The following ST6GALNAC3 variants were observed in gnomAD, a reference collection of about 807,000 sequenced individuals.
ST6GALNAC3 encodes the protein ST6 N-acetylgalactosaminide alpha-2,6-sialyltransferase 3.
In ST6GALNAC3, 25 loss-of-function variants were observed where a neutral mutation model predicts 32.7. The observed-to-expected ratio is 0.76, with a 90% confidence interval of 0.56 to 1.07. The LOEUF (loss-of-function observed/expected upper bound fraction) is 1.07, where lower values mean the gene tolerates loss of function less well. ST6GALNAC3 is among the 50% of genes least tolerant of loss of function. The pLI is 0.00. For missense variants in ST6GALNAC3, 355 were observed against 382.4 expected (o/e 0.93, Z 0.60); for synonymous variants, 129 against 133.1 (o/e 0.97, Z 0.21).
At chr1:76,095,366 A>C (rs1647112744) in intron 1 of ST6GALNAC3, among the ~76,000 whole-genome samples, 2 of 152,154 alleles carry the variant, frequency 1.3e-5, no homozygotes, top group Non-Finnish European at 2.9e-5. Flanking sequence ...GATATCATTT[A>C]TGGCAACTTT....
chr1:76,489,643 A>G lies in ST6GALNAC3; in HGVS notation c.623+77226A>G, dbSNP rs192549866. On this transcript the variant is annotated intron_variant, in intron 3 of 4. Coordinates refer to ENST00000328299, the MANE Select transcript of ST6GALNAC3 (RefSeq NM_152996.4). Reference sequence around the variant, plus strand: ...TAATCAAAACTCTGAACTTGAGTAAATATTAAGCCTTCTCCACTTCCAAAG... The same window carrying G: ...TAATCAAAACTCTGAACTTGAGTAAGTATTAAGCCTTCTCCACTTCCAAAG... 5.4e-3 allele frequency among the ~76,000 whole-genome samples: 823 copies of G among 152,296 alleles called. 11 individuals are homozygous for G. Among genetic ancestry groups the G allele is most frequent in the South Asian group, 8.7e-3 (42 of 4,822 alleles).
chr1:76,561,125 A>G (rs1273190279), intron 3 of ST6GALNAC3, among the ~76,000 whole-genome samples: 1 of 152,188 alleles, frequency 6.6e-6, no homozygotes, highest in Non-Finnish European at 1.5e-5. Context: ...CTGTTCTCTC[A>G]CTCATTTGTG....
chr1:76,287,197 T>C (rs1345068949), intron 1 of ST6GALNAC3, among the ~76,000 whole-genome samples: 1 of 152,216 alleles, frequency 6.6e-6, no homozygotes, highest in African/African-American at 2.4e-5. Context: ...TCCTTAGTCA[T>C]GAAAATCATT....
intron 1 of ST6GALNAC3, among the ~76,000 whole-genome samples, chr1:76,257,982 A>ACACTGGTAT (rs1658012690): frequency 6.6e-6 from 1 of 152,122 alleles, no homozygotes; most frequent in African/African-American, 2.4e-5. Context: ...TCTGACTCAG[A>ACACTGGTAT]CACTGGTATC....
intron 3 of ST6GALNAC3, among the ~76,000 whole-genome samples, chr1:76,589,646 C>T (rs920989633): frequency 6.6e-6 from 1 of 151,794 alleles, no homozygotes; most frequent in African/African-American, 2.4e-5. Flanking sequence ...CTCCTCAGAG[C>T]TCTACTCCTA....
chr1:76,552,638 G>T (rs1269200997), intron 3 of ST6GALNAC3, among the ~76,000 whole-genome samples: 1 of 152,126 alleles, frequency 6.6e-6, no homozygotes, highest in Non-Finnish European at 1.5e-5. Flanking sequence ...TTTATGGTCT[G>T]CAGATTCCCA....
chr1:76,386,984 C>T (rs1652145942), intron 2 of ST6GALNAC3, among the ~76,000 whole-genome samples: 2 of 152,142 alleles, frequency 1.3e-5, no homozygotes, highest in South Asian at 4.1e-4. Flanking sequence ...AACCTCTCTC[C>T]AGCATGGTAT....
chr1:76,167,955 CTT>C (rs1262345292), intron 1 of ST6GALNAC3, among the ~76,000 whole-genome samples: 1 of 151,384 alleles, frequency 6.6e-6, no homozygotes, highest in Non-Finnish European at 1.5e-5. Context: ...ATTCATTGGT[CTT>C]TTGAATGATT....
chr1:76,129,272 G>A (rs1358077566), intron 1 of ST6GALNAC3, among the ~76,000 whole-genome samples: 1 of 152,162 alleles, frequency 6.6e-6, no homozygotes, highest in African/African-American at 2.4e-5. Context: ...GGGCGTCCCT[G>A]TCAGGCACTA....
At chr1:76,119,335 A>G (rs961649603) in intron 1 of ST6GALNAC3, among the ~76,000 whole-genome samples, 5 of 152,246 alleles carry the variant, frequency 3.3e-5, no homozygotes, top group Non-Finnish European at 5.9e-5. Flanking sequence ...CCTCGTGAAT[A>G]ATTGAAACAA....
At chr1:76,563,377 G>T (rs989818742) in intron 3 of ST6GALNAC3, among the ~76,000 whole-genome samples, 63 of 152,204 alleles carry the variant, frequency 4.1e-4, no homozygotes, top group African/African-American at 1.5e-3. Flanking sequence ...TGCCTGATGT[G>T]TCTTCTATCT....
At chr1:76,588,705 C>T (rs879476347) in intron 3 of ST6GALNAC3, among the ~76,000 whole-genome samples, 11 of 152,140 alleles carry the variant, frequency 7.2e-5, no homozygotes, top group Non-Finnish European at 1.3e-4. Flanking sequence ...GAGAAGTCAC[C>T]GTATTTCTCC....
At chr1:76,298,204 G>A (rs930856356) in intron 1 of ST6GALNAC3, among the ~76,000 whole-genome samples, 1 of 151,982 alleles carries the variant, frequency 6.6e-6, no homozygotes, top group Non-Finnish European at 1.5e-5. Context: ...GAAATGACAA[G>A]CTGGCAATTA....
intron 2 of ST6GALNAC3, among the ~76,000 whole-genome samples, chr1:76,356,950 A>G (rs1429915562): frequency 6.6e-6 from 1 of 152,098 alleles, no homozygotes; most frequent in African/African-American, 2.4e-5. Flanking sequence ...CATGTCCACA[A>G]TAGGTAACCC....
At chr1:76,174,614 A>AT (rs1371438645) in intron 1 of ST6GALNAC3, among the ~76,000 whole-genome samples, 2 of 144,360 alleles carry the variant, frequency 1.4e-5, no homozygotes, top group South Asian at 2.3e-4. Flanking sequence ...GATCATGAAG[A>AT]TTTTTTTCCA....
At chr1:76,529,841 A>T (rs72989939) in intron 3 of ST6GALNAC3, among the ~76,000 whole-genome samples, 1 of 152,164 alleles carries the variant, frequency 6.6e-6, no homozygotes, top group African/African-American at 2.4e-5. Flanking sequence ...TCTTTGCATT[A>T]GTTATTTATG....
intron 1 of ST6GALNAC3, among the ~76,000 whole-genome samples, chr1:76,110,149 C>T: frequency 6.6e-6 from 1 of 152,196 alleles, no homozygotes; most frequent in East Asian, 1.9e-4. Flanking sequence ...TTCATTCTTT[C>T]AGCCCTCCAC....
chr1:76,362,081 T>A (rs1202096804), intron 2 of ST6GALNAC3, among the ~76,000 whole-genome samples: 1 of 151,844 alleles, frequency 6.6e-6, no homozygotes, highest in Non-Finnish European at 1.5e-5. Flanking sequence ...ACAGGAAGCA[T>A]GACACTGGCA....
intron 3 of ST6GALNAC3, chr1:76,577,326 T>C: frequency 1.1e-5 from 11 of 986,986 alleles, no homozygotes; most frequent in Non-Finnish European, 1.3e-5. Flanking sequence ...TGCCACTGCC[T>C]CTTTCTGCTT....
Sources: gnomAD v4.1 joint callset for allele counts (sites outside exome capture counted in the v4.1 genomes callset) on GRCh38, gnomAD v4.1.1 for gene constraint, MANE v1.5 for transcripts, NCBI Gene and HGNC (gene_info 2026-07-23, HGNC 2026-07-21) for gene names.